Variants in ERAP1 observed in about 807,000 individuals in gnomAD.
ERAP1 encodes adipocyte-derived leucine aminopeptidase.
A neutral mutation model predicts 103.7 loss-of-function variants in ERAP1; 86 were observed. The ratio of observed to expected loss-of-function variants is 0.83; its 90% CI spans 0.70 to 0.99. ERAP1 has a LOEUF of 0.99. Ranked by LOEUF, ERAP1 falls within the 50% of genes least tolerant of loss-of-function variation. The probability of loss-of-function intolerance (pLI) is 0.00; values close to 1 mark genes in which losing one functional copy is unlikely to be tolerated. For synonymous variants in ERAP1, 398 were observed against 402.4 expected, an observed-to-expected ratio of 0.99 and a Z score of 0.13; for missense variants, 1,009 against 1,128.4, an observed-to-expected ratio of 0.89 and a Z score of 1.52.
chr5:96,896,720 T>C, the ERAP1 span: 1 of 1,560,932 alleles, frequency 6.4e-7, no homozygotes, highest in Non-Finnish European at 8.6e-7. Context: ...ACTCTTTTGT[T>C]TTTTTTTAAA....
chr5:96,858,407 G>A, the ERAP1 span, among the ~76,000 whole-genome samples: 1 of 152,044 alleles, frequency 6.6e-6, no homozygotes, highest in Non-Finnish European at 1.5e-5. Flanking sequence ...TAGAGACAGA[G>A]TTTCACCATG....
the ERAP1 span, among the ~76,000 whole-genome samples, chr5:96,850,935 C>G: frequency 2.6e-5 from 4 of 152,084 alleles, no homozygotes; most frequent in Non-Finnish European, 4.4e-5. Flanking sequence ...CGTTAACATC[C>G]CAGGGTACAC....
the ERAP1 span, among the ~76,000 whole-genome samples, chr5:96,878,395 C>T: frequency 2.9e-5 from 1 of 34,726 alleles, no homozygotes; most frequent in South Asian, 1.3e-3. Context: ...AAGTTCAATG[C>T]CATTCGTAGT....
chr5:96,793,018 C>T (rs764952638), intron 7 of ERAP1, among the ~76,000 whole-genome samples: 2 of 152,174 alleles, frequency 1.3e-5, no homozygotes, highest in Non-Finnish European at 2.9e-5. Context: ...TTAAGTATAA[C>T]TCATTTGATT....
chr5:96,833,020 A>T, the ERAP1 span, among the ~76,000 whole-genome samples: 2 of 152,230 alleles, frequency 1.3e-5, no homozygotes, highest in African/African-American at 4.8e-5. Context: ...TGAGGATACA[A>T]GAATTCATCA....
chr5:96,892,550 A>ACCTCTAAGTTCC, the ERAP1 span: 1 of 1,422,060 alleles, frequency 7.0e-7, no homozygotes, highest in Non-Finnish European at 9.6e-7. Context: ...CATCTCATTT[A>ACCTCTAAGTTCC]CCTCTAGAGG....
chr5:96,927,882 T>C, the ERAP1 span, among the ~76,000 whole-genome samples: 1 of 152,204 alleles, frequency 6.6e-6, no homozygotes, highest in African/African-American at 2.4e-5. Flanking sequence ...TTTCTCCTAT[T>C]CTGTGAACTG....
chr5:96,780,990 C>T, intron 17 of ERAP1, 68 bp downstream of exon 17: 1 of 1,580,786 alleles, frequency 6.3e-7, no homozygotes, highest in South Asian at 1.1e-5. Context: ...CTTTTACAAA[C>T]AGCAAGGCTA....
the ERAP1 span, among the ~76,000 whole-genome samples, chr5:96,884,913 G>A: frequency 6.6e-6 from 1 of 152,058 alleles, no homozygotes; most frequent in Non-Finnish European, 1.5e-5. Context: ...ACTTCTGCTG[G>A]TATTGAGAAA....
the ERAP1 span, chr5:96,896,719 T>G: frequency 6.5e-7 from 1 of 1,537,544 alleles, no homozygotes; most frequent in Non-Finnish European, 8.7e-7. Context: ...AACTCTTTTG[T>G]TTTTTTTTAA....
the ERAP1 span, among the ~76,000 whole-genome samples, chr5:96,824,951 G>A: frequency 2.0e-5 from 3 of 152,120 alleles, no homozygotes; most frequent in Admixed American, 6.6e-5. Flanking sequence ...GAGGTGGGAC[G>A]ATCGATTGAG....
At chr5:96,934,496 T>C in the ERAP1 span, 3 of 152,294 alleles carry the variant, frequency 2.0e-5, no homozygotes, top group East Asian at 3.9e-4. Context: ...GTTACCAAAA[T>C]ATGGTGAGTA....
the ERAP1 span, among the ~76,000 whole-genome samples, chr5:96,852,047 CA>C: frequency 1.3e-5 from 2 of 152,144 alleles, no homozygotes; most frequent in African/African-American, 4.8e-5. Flanking sequence ...CCCCCAACCC[CA>C]AAAAGCGTGG....
chr5:96,807,832 C>T, intron 1 of ERAP1, 28 bp downstream of exon 1: 1 of 985,792 alleles, frequency 1.0e-6, no homozygotes, highest in Non-Finnish European at 1.2e-6. Context: ...GCCCGCAGTC[C>T]CCTACCCGCG....
Position 96,790,598 on chromosome 5 carries a change from C to A in ERAP1, c.1366G>T (p.Ala456Ser). ...TACTGTACAATACCACTTTTAAATGCGTCAGCACTAAGATACTCCCTTAGC... is the reference window on the plus strand; with the variant it reads ...TACTGTACAATACCACTTTTAAATGAGTCAGCACTAAGATACTCCCTTAGC... ...NMLREYLSAD[A>S]FKSGIVQYLQ... Residue 456 changes from alanine (A) to serine (S), a missense_variant, in exon 9 of 19, where the codon GCA becomes TCA. Physicochemically the swap from Ala to Ser is moderately conservative, Grantham distance 99. Coordinates refer to ENST00000443439, the MANE Select transcript of ERAP1 (RefSeq NM_001040458.3). 6.2e-7 allele frequency: 1 copy of A among 1,611,708 alleles called. No individual in the cohort carries two copies. The highest frequency in any genetic ancestry group is 1.1e-5 in the South Asian group (1 of 91,024).
At chr5:96,901,565 G>A in the ERAP1 span, 2 of 1,614,096 alleles carry the variant, frequency 1.2e-6, no homozygotes, top group Non-Finnish European at 1.7e-6. Context: ...GGACTCTCCA[G>A]AAAGGAATCC....
chr5:96,876,954 A>G, the ERAP1 span, among the ~76,000 whole-genome samples: 32 of 151,970 alleles, frequency 2.1e-4, no homozygotes, highest in African/African-American at 7.5e-4. Flanking sequence ...TCATCTGTTT[A>G]TTTAATTTAA....
the ERAP1 span, chr5:96,935,797 A>C: frequency 3.7e-6 from 1 of 267,552 alleles, no homozygotes; most frequent in Non-Finnish European, 7.2e-6. Context: ...GTAGGGCTCC[A>C]CATTTGTTGA....
chr5:96,930,009 C>A, the ERAP1 span, among the ~76,000 whole-genome samples: 6 of 152,084 alleles, frequency 3.9e-5, no homozygotes, highest in Non-Finnish European at 8.8e-5. Flanking sequence ...CTGAACAGAC[C>A]ATGTCTTGGC....
Sources: gnomAD v4.1 joint callset for allele counts (sites outside exome capture counted in the v4.1 genomes callset) on GRCh38, gnomAD v4.1.1 for gene constraint, MANE v1.5 for transcripts, NCBI Gene and HGNC (gene_info 2026-07-23, HGNC 2026-07-21) for gene names.